The following TGFB2 variants were observed in gnomAD, a reference collection of about 807,000 sequenced individuals.
TGFB2 encodes the protein transforming growth factor beta-2 proprotein.
In TGFB2, 13 loss-of-function variants were observed where a neutral mutation model predicts 42.7. The observed-to-expected ratio is 0.30, with a 90% CI of 0.20 to 0.48. The LOEUF (loss-of-function observed/expected upper bound fraction) is 0.48. TGFB2 is among the 20% of genes least tolerant of loss of function. TGFB2 has a pLI of 0.99. For synonymous variants in TGFB2, 193 were observed against 193.6 expected (o/e 1.00, Z 0.03); for missense variants, 390 against 517.5 (o/e 0.75, Z 2.39).
chr1:218,356,122 CCCAG>C (rs2102537857), intron 1 of TGFB2, among the ~76,000 whole-genome samples: 1 of 152,260 alleles, frequency 6.6e-6, no homozygotes, highest in South Asian at 2.1e-4. Context: ...ATATACTCCT[CCCAG>C]CCAGAGTCTT....
At chr1:218,384,358 A>ATT (rs1658060802) in intron 1 of TGFB2, among the ~76,000 whole-genome samples, 1 of 152,230 alleles carries the variant, frequency 6.6e-6, no homozygotes, top group South Asian at 2.1e-4. Flanking sequence ...AAAAACAAGC[A>ATT]TGTTAAATGC....
intron 1 of TGFB2, among the ~76,000 whole-genome samples, chr1:218,400,205 G>A (rs1444398179): frequency 1.3e-5 from 2 of 151,750 alleles, no homozygotes; most frequent in African/African-American, 4.8e-5. Context: ...TGAAAATATG[G>A]GGTCTCTTGT....
At chr1:218,363,277 T>C in intron 1 of TGFB2, 1 of 1,390,994 alleles carries the variant, frequency 7.2e-7, no homozygotes, top group Non-Finnish European at 1.0e-6. Flanking sequence ...TGTATAGTTC[T>C]GTGCCAGGCA....
chr1:218,409,934 T>C (rs1172563581), intron 2 of TGFB2, among the ~76,000 whole-genome samples: 1 of 152,266 alleles, frequency 6.6e-6, no homozygotes, highest in East Asian at 1.9e-4. Context: ...TGTACATGTG[T>C]GCACACGTGC....
At chr1:218,401,102 T>G (rs1658700571) in intron 1 of TGFB2, among the ~76,000 whole-genome samples, 1 of 151,946 alleles carries the variant, frequency 6.6e-6, no homozygotes, top group Non-Finnish European at 1.5e-5. Flanking sequence ...TTTCTGAGGA[T>G]GGAGACCCTG....
intron 1 of TGFB2, among the ~76,000 whole-genome samples, chr1:218,358,839 G>A (rs1657121799): frequency 1.3e-5 from 2 of 152,108 alleles, no homozygotes; most frequent in Admixed American, 1.3e-4. Flanking sequence ...ACCGCACCCA[G>A]CAGTGAACTC....
At chr1:218,351,309 G>A (rs2102532645) in intron 1 of TGFB2, among the ~76,000 whole-genome samples, 1 of 152,158 alleles carries the variant, frequency 6.6e-6, no homozygotes, top group African/African-American at 2.4e-5. Flanking sequence ...TTTGCATGTG[G>A]GTGTATGAGA....
At chr1:218,382,668 T>C (rs889057466) in intron 1 of TGFB2, among the ~76,000 whole-genome samples, 3 of 152,204 alleles carry the variant, frequency 2.0e-5, no homozygotes, top group Non-Finnish European at 4.4e-5. Context: ...TTTGGACACA[T>C]AGGAACTGAA....
intron 1 of TGFB2, among the ~76,000 whole-genome samples, chr1:218,376,015 G>C (rs186284633): frequency 6.6e-6 from 1 of 152,156 alleles, no homozygotes; most frequent in Non-Finnish European, 1.5e-5. Context: ...GGGCTGTAGC[G>C]AAGGGGAAAT....
At chr1:218,390,979 G>C (rs188920270) in intron 1 of TGFB2, among the ~76,000 whole-genome samples, 13 of 152,238 alleles carry the variant, frequency 8.5e-5, no homozygotes, top group African/African-American at 3.1e-4. Flanking sequence ...ATCTACTGAA[G>C]TGCTAATATG....
At chr1:218,395,604 T>A (rs1004949585) in intron 1 of TGFB2, among the ~76,000 whole-genome samples, 1 of 141,266 alleles carries the variant, frequency 7.1e-6, no homozygotes, top group African/African-American at 2.9e-5. Context: ...TATTTTCTTT[T>A]CTTTTTCTTT....
intron 1 of TGFB2, chr1:218,363,544 G>A (rs938896066): frequency 7.6e-6 from 7 of 922,816 alleles, no homozygotes; most frequent in South Asian, 1.6e-5. Flanking sequence ...TTGTACCTGA[G>A]CGATCACAAA....
intron 2 of TGFB2, among the ~76,000 whole-genome samples, chr1:218,431,021 G>C (rs965810569): frequency 6.6e-6 from 1 of 152,190 alleles, no homozygotes; most frequent in African/African-American, 2.4e-5. Context: ...AAGAAGAATG[G>C]AGTTAACATG....
intron 2 of TGFB2, among the ~76,000 whole-genome samples, chr1:218,407,921 T>C: frequency 6.6e-6 from 1 of 152,094 alleles, no homozygotes; most frequent in African/African-American, 2.4e-5. Flanking sequence ...CTGGTTCCTA[T>C]GAAAAAAAGC....
chr1:218,409,491 G>T (rs1659025351), intron 2 of TGFB2, among the ~76,000 whole-genome samples: 1 of 152,104 alleles, frequency 6.6e-6, no homozygotes, highest in Non-Finnish European at 1.5e-5. Context: ...CTGCCATTTG[G>T]AGGTCTTTGT....
At chr1:218,393,338 T>C (rs888206357) in intron 1 of TGFB2, among the ~76,000 whole-genome samples, 3 of 152,188 alleles carry the variant, frequency 2.0e-5, no homozygotes, top group African/African-American at 7.2e-5. Flanking sequence ...CTGCAAAGAT[T>C]TTACCCTTCA....
chr1:218,357,648 G>T (rs146143163), intron 1 of TGFB2, among the ~76,000 whole-genome samples: 42 of 152,286 alleles, frequency 2.8e-4, no homozygotes, highest in African/African-American at 1.0e-3. Flanking sequence ...GGAACTTAAG[G>T]CAAATGGAAA....
chr1:218,345,951 C>G lies in TGFB2; in HGVS notation c.-751C>G, dbSNP rs555881304. 6.6e-6 allele frequency among the ~76,000 whole-genome samples: 1 copy of G among 151,952 alleles called. No homozygotes were observed. Among genetic ancestry groups the G allele is most frequent in the African/African-American group, 2.4e-5 (1 of 41,376 alleles). ...TCCCAGAGCAGGATCCGCGCCGCCTCAGCAGCCTCTGCGGCCCCTGCGGCA... is the reference window on the plus strand; with the variant it reads ...TCCCAGAGCAGGATCCGCGCCGCCTGAGCAGCCTCTGCGGCCCCTGCGGCA... On this transcript the variant is annotated 5_prime_UTR_variant, in exon 1 of 7. Transcript: ENST00000366930.
chr1:218,403,376 T>A (rs1361482863), intron 1 of TGFB2, among the ~76,000 whole-genome samples: 1 of 152,084 alleles, frequency 6.6e-6, no homozygotes, highest in African/African-American at 2.4e-5. Context: ...AGGAGATGGG[T>A]TGGGAGAAAG....
Sources: allele counts gnomAD v4.1 joint callset (sites outside exome capture counted in the v4.1 genomes callset), GRCh38; gene constraint gnomAD v4.1.1; transcripts MANE v1.5; gene names NCBI Gene and HGNC (gene_info 2026-07-23, HGNC 2026-07-21).